The following ASCC1 variants were observed in gnomAD, a reference collection of about 807,000 sequenced individuals.
ASCC1 encodes activating signal cointegrator 1 complex subunit 1.
A neutral mutation model predicts 46.6 loss-of-function variants in ASCC1; 35 were observed. That is an observed-to-expected ratio of 0.75 (90% CI 0.57 to 0.99). ASCC1 has a LOEUF of 0.99. Ranked by LOEUF, ASCC1 falls within the 50% of genes least tolerant of loss-of-function variation. The pLI is 0.00. For missense variants in ASCC1, 376 were observed against 428.7 expected (o/e 0.88, Z 1.09); for synonymous variants, 143 against 146.6 (o/e 0.98, Z 0.18).
At chr10:72,156,297 C>T (rs1848949419) in intron 6 of ASCC1, among the ~76,000 whole-genome samples, 1 of 152,198 alleles carries the variant, frequency 6.6e-6, no homozygotes, top group Admixed American at 6.5e-5. Context: ...CTTTCTGAGG[C>T]CTCCCGAGAA....
intron 5 of ASCC1, among the ~76,000 whole-genome samples, chr10:72,192,645 C>T (rs191911121): frequency 7.4e-4 from 113 of 152,208 alleles, no homozygotes; most frequent in African/African-American, 2.4e-3. Flanking sequence ...AGATGTACAC[C>T]ACCGTGCCTG....
At chr10:72,166,965 G>A (rs1336847226) in intron 5 of ASCC1, among the ~76,000 whole-genome samples, 3 of 150,322 alleles carry the variant, frequency 2.0e-5, no homozygotes, top group Non-Finnish European at 4.4e-5. Flanking sequence ...TGGAAAAACC[G>A]AGCAGCCACT....
chr10:72,127,664 CTTTT>C (rs3063665), intron 9 of ASCC1, among the ~76,000 whole-genome samples: 3 of 130,004 alleles, frequency 2.3e-5, no homozygotes, highest in African/African-American at 6.2e-5. Flanking sequence ...CTAAGGGTTT[CTTTT>C]TTTTTTTTTT....
intron 5 of ASCC1, among the ~76,000 whole-genome samples, chr10:72,184,026 A>G (rs1008348820): frequency 2.6e-5 from 4 of 151,924 alleles, no homozygotes; most frequent in Admixed American, 1.3e-4. Context: ...CACCTGCAGT[A>G]CCAGCTACTC....
At position 72,201,118 on chromosome 10, in the gene ASCC1, T is replaced by C. The variant is rs186703271; in HGVS notation, c.310+2309A>G. Among the ~76,000 whole-genome samples, 7 of 152,282 alleles carry C rather than the reference T, an allele frequency of 4.6e-5. No individual in the cohort carries two copies. The East Asian group carries it at 7.7e-4, about 17-fold the overall frequency. On this transcript the variant is annotated intron_variant, in intron 4 of 9. Coordinates refer to ENST00000672957, the MANE Select transcript of ASCC1 (RefSeq NM_001198800.3). ...ACAGCACTGTTGTCCAAAAAGTCAATTGCTACTTATCTGCTGTCAAGGTGA... is the reference window on the plus strand; with the variant it reads ...ACAGCACTGTTGTCCAAAAAGTCAACTGCTACTTATCTGCTGTCAAGGTGA...
At chr10:72,100,229 CTTT>C (rs112663918) in intron 9 of ASCC1, among the ~76,000 whole-genome samples, 1 of 143,520 alleles carries the variant, frequency 7.0e-6, no homozygotes, top group African/African-American at 2.5e-5. Flanking sequence ...ATTGTTATAT[CTTT>C]TTTTTTTTTT....
chr10:72,187,244 A>G (rs1160767912), intron 5 of ASCC1, among the ~76,000 whole-genome samples: 2 of 152,204 alleles, frequency 1.3e-5, no homozygotes, highest in East Asian at 3.8e-4. Context: ...ACATCCACAT[A>G]TATGTATTTT....
chr10:72,210,670 T>A, intron 3 of ASCC1, 62 bp downstream of exon 3: 1 of 1,366,748 alleles, frequency 7.3e-7, no homozygotes, highest in Non-Finnish European at 1.0e-6. Context: ...GACCAAAGGG[T>A]CCACTTCCCG....
chr10:72,181,254 G>A lies in ASCC1; in HGVS notation c.489+15557C>T, dbSNP rs562436577. Among the ~76,000 whole-genome samples the A allele has an allele frequency of 1.5e-4, 23 of 152,166 alleles. 2 individuals are homozygous for A. In the South Asian group the frequency reaches 4.4e-3, roughly 29 times the overall value. On this transcript the variant is annotated intron_variant, in intron 5 of 9. Transcript: ENST00000672957. ...GCTGGGATTACAGGTGTGAGCCACCGCGCCCGGCCTATTTGCCTCTCATCT... is the reference window on the plus strand; with the variant it reads ...GCTGGGATTACAGGTGTGAGCCACCACGCCCGGCCTATTTGCCTCTCATCT...
intron 9 of ASCC1, among the ~76,000 whole-genome samples, chr10:72,101,012 G>A (rs1186525839): frequency 6.6e-6 from 1 of 152,158 alleles, no homozygotes; most frequent in Non-Finnish European, 1.5e-5. Flanking sequence ...AATCAAGGAG[G>A]CGGGGGACAT....
chr10:72,173,588 T>C (rs1191406715), intron 5 of ASCC1, among the ~76,000 whole-genome samples: 1 of 152,206 alleles, frequency 6.6e-6, no homozygotes, highest in Non-Finnish European at 1.5e-5. Flanking sequence ...CACTGGACAG[T>C]CTTTTAATGA....
At chr10:72,162,778 A>G (rs1386857749) in intron 5 of ASCC1, among the ~76,000 whole-genome samples, 1 of 151,984 alleles carries the variant, frequency 6.6e-6, no homozygotes, top group Non-Finnish European at 1.5e-5. Context: ...CCCCATCTCT[A>G]CCAAAAATAC....
chr10:72,203,062 G>A (rs1193226646), intron 4 of ASCC1, among the ~76,000 whole-genome samples: 15 of 152,176 alleles, frequency 9.9e-5, no homozygotes. Flanking sequence ...CGAGAGGGGA[G>A]GATCACCTGA....
rs1214865842 is a variant in ASCC1 at position 72,096,452 on chromosome 10, T to G, written c.*882A>C. Reference sequence around the variant, plus strand: ...TGGGAAGATGAGGGTGGGGATGGGGTGAAGGAACAGGAATCCAACAAATAT... The same window carrying G: ...TGGGAAGATGAGGGTGGGGATGGGGGGAAGGAACAGGAATCCAACAAATAT... On this transcript the variant is annotated 3_prime_UTR_variant, in exon 10 of 10. Transcript: ENST00000672957. 2.2e-6 allele frequency: 1 copy of G among 453,958 alleles called. No homozygotes were observed. Among genetic ancestry groups the G allele is most frequent in the African/African-American group, 2.0e-5 (1 of 50,044 alleles). 28.1% of individuals were successfully genotyped at this position (453,958 alleles called of 1,614,324 possible). A position where few individuals can be genotyped will look rare whatever the true frequency, so the allele number is the denominator to read the frequency against.
chr10:72,125,922 T>A (rs185600973), intron 9 of ASCC1, among the ~76,000 whole-genome samples: 3 of 144,900 alleles, frequency 2.1e-5, no homozygotes, highest in East Asian at 3.8e-4. Flanking sequence ...GCACATAGTC[T>A]GGCAGATGGT....
At chr10:72,212,488 G>T (rs1258934784) in intron 2 of ASCC1, among the ~76,000 whole-genome samples, 1 of 152,110 alleles carries the variant, frequency 6.6e-6, no homozygotes, top group African/African-American at 2.4e-5. Flanking sequence ...ACCATCTGAG[G>T]ATTTTGGTAA....
At chr10:72,127,976 A>C (rs576496115) in intron 9 of ASCC1, 106 bp downstream of exon 9, 2 of 937,030 alleles carry the variant, frequency 2.1e-6, no homozygotes, top group African/African-American at 3.3e-5. Flanking sequence ...AAAGTATGAG[A>C]AAAAGTATGA....
At chr10:72,209,368 G>A (rs1857707295) in intron 3 of ASCC1, among the ~76,000 whole-genome samples, 1 of 151,810 alleles carries the variant, frequency 6.6e-6, no homozygotes, top group African/African-American at 2.4e-5. Context: ...GCCGGTTCCA[G>A]CTACTTGGGA....
At chr10:72,176,582 G>A (rs576243208) in intron 5 of ASCC1, among the ~76,000 whole-genome samples, 8 of 151,660 alleles carry the variant, frequency 5.3e-5, no homozygotes, top group African/African-American at 1.9e-4. Flanking sequence ...TGGACTCAAG[G>A]GATCCTCCCA....
Sources: allele counts gnomAD v4.1 joint callset (sites outside exome capture counted in the v4.1 genomes callset), GRCh38; gene constraint gnomAD v4.1.1; transcripts MANE v1.5; gene names NCBI Gene and HGNC (gene_info 2026-07-23, HGNC 2026-07-21).